Variants in COX6B2 observed in about 807,000 individuals in gnomAD.
The protein encoded by COX6B2 is COX VIb-2.
In COX6B2, 12 loss-of-function variants were observed where a neutral mutation model predicts 13.7. The ratio of observed to expected loss-of-function variants is 0.87; its 90% CI spans 0.56 to 1.41. The LOEUF (loss-of-function observed/expected upper bound fraction) is 1.41. COX6B2 is among the 40% of genes most tolerant of loss of function. The pLI, the probability that COX6B2 is intolerant of heterozygous loss-of-function variation, is 0.00. For missense variants in COX6B2, 130 were observed against 118.3 expected (o/e 1.10, Z -0.46); for synonymous variants, 56 against 46.6 (o/e 1.20, Z -0.82).
chr19:55,354,299 C>T, intron 2 of COX6B2, 111 bp downstream of exon 2: 3 of 1,022,644 alleles, frequency 2.9e-6, no homozygotes, highest in Non-Finnish European at 4.6e-6. Flanking sequence ...AACCCGGCCC[C>T]GCCCGGCCTC....
rs747515071 is a variant in COX6B2 at position 55,353,733 on chromosome 19, G to A, written c.255C>T (p.Ala85=). The A allele has an allele frequency of 3.7e-6, 6 of 1,609,690 alleles. No individual in the cohort carries two copies. The highest frequency in any genetic ancestry group is 1.3e-5 in the African/African-American group (1 of 74,820). Residue 85 remains alanine, a synonymous_variant, in exon 4 of 5, where the codon GCC becomes GCT. Coordinates refer to ENST00000326529, the MANE Select transcript of COX6B2 (RefSeq NM_144613.5). ...WNEQIKNGIF[A]GKI ...CGCGCTGGGGCAGTCAGATTTTGCC[G>A]GCGAAAATCCCGTTCTTGATCTGCT... is the stretch of plus-strand genomic sequence containing the variant.
At position 55,354,405 on chromosome 19, in the gene COX6B2, C is replaced by G. The variant is rs777316035; in HGVS notation, c.112+5G>C. ...CCTCCCATAACCTGGCTGAGCAGGT[C>G]TCACCCAGGAAGTTCTGGTAGCAGT... On this transcript the variant is annotated splice_donor_5th_base_variant and intron_variant, in intron 2 of 4. Transcript: ENST00000326529. 4 of 1,608,730 alleles carry G rather than the reference C, an allele frequency of 2.5e-6. No individual in the cohort carries two copies. Among genetic ancestry groups the G allele is most frequent in the South Asian group, 1.1e-5 (1 of 90,932 alleles).
chr19:55,354,451 G>C lies in COX6B2; in HGVS notation c.71C>G (p.Pro24Arg), dbSNP rs768448280. 1.7e-5 allele frequency: 28 copies of C among 1,613,886 alleles called. No individual in the cohort carries two copies. The highest frequency in any genetic ancestry group is 2.2e-5 in the Non-Finnish European group (26 of 1,179,958). ...WSTPPFDPRF[P>R]SQNQIRNCYQ... The stretch of plus-strand genomic sequence containing the variant: ...GCAGTTACGGATCTGGTTCTGGCTG[G>C]GGAAGCGCGGGTCGAAGGGCGGCGT... The change falls in exon 2 of 5, where the codon CCC becomes CGC. Residue 24 changes from proline to arginine, a missense_variant. Pro to Arg is a moderately radical substitution (Grantham distance 103). Transcript: ENST00000326529.
At chr19:55,354,305 G>T (rs2089693220) in intron 2 of COX6B2, 105 bp downstream of exon 2, 1 of 893,206 alleles carries the variant, frequency 1.1e-6, no homozygotes, top group Non-Finnish European at 1.7e-6. Flanking sequence ...GCCCCGCCCG[G>T]CCTCCCACCC....
Position 55,353,626 on chromosome 19 carries a change from A to T in COX6B2, c.*95T>A. On this transcript the variant is annotated 3_prime_UTR_variant, in exon 4 of 5. Transcript: ENST00000326529. ...GCATACCATTATTCGTGGCTTAGAC[A>T]CTGGGAGGTAGGGGTGGATAACCGA... 8.7e-7 allele frequency: 1 copy of T among 1,155,788 alleles called. No individual in the cohort carries two copies. 71.6% of individuals were successfully genotyped at this position (1,155,788 alleles called of 1,614,324 possible). A position where few individuals can be genotyped will look rare whatever the true frequency, so the allele number is the denominator to read the frequency against.
intron 4 of COX6B2, among the ~76,000 whole-genome samples, chr19:55,351,483 G>A (rs1463401919): frequency 6.6e-6 from 1 of 152,194 alleles, no homozygotes; most frequent in African/African-American, 2.4e-5. Flanking sequence ...AGGATCCGTG[G>A]TCTGGAGGCC....
rs199757828 is a variant in COX6B2, at chr19:55,353,961, G to T, written c.118C>A (p.His40Asn). ...CGGGTCCTGGTCTTGAGGCAGCGGT[G>T]GTAGTCTGTGGCGGGCGGGGGTCAC... ...RNCYQNFLDY[H>N]RCLKTRTRRG... is the part of the protein sequence containing the mutation. Residue 40 changes from histidine to asparagine, a missense_variant, in exon 3 of 5, where the codon CAC becomes AAC. His to Asn is a moderately conservative substitution (Grantham distance 68). Coordinates refer to ENST00000326529, the MANE Select transcript of COX6B2 (RefSeq NM_144613.5). 1 of 1,547,446 alleles carries T rather than the reference G, an allele frequency of 6.5e-7. No individual in the cohort carries two copies.
chr19:55,354,059 T>A (rs2089690017), intron 2 of COX6B2, 93 bp from the exon 3 acceptor site: 15 of 1,146,432 alleles, frequency 1.3e-5, no homozygotes, highest in Admixed American at 2.0e-5. Context: ...CTTCGCTGCT[T>A]CGTCCCGCCT....
chr19:55,351,255 ATAT>A (rs1331127475), intron 4 of COX6B2, among the ~76,000 whole-genome samples: 1 of 152,168 alleles, frequency 6.6e-6, no homozygotes, highest in African/African-American at 2.4e-5. Context: ...CATTGTTACC[ATAT>A]TTCAGATGAA....
chr19:55,351,093 C>T (rs569219764), intron 4 of COX6B2, among the ~76,000 whole-genome samples: 8 of 152,298 alleles, frequency 5.3e-5, no homozygotes, highest in African/African-American at 9.6e-5. Context: ...AGAACTGGGC[C>T]GACATGCTGA....
chr19:55,351,435 G>C (rs999479021), intron 4 of COX6B2, among the ~76,000 whole-genome samples: 21 of 152,288 alleles, frequency 1.4e-4, no homozygotes, highest in African/African-American at 5.1e-4. Context: ...CTAGGAGCCA[G>C]GGGACAGTGA....
chr19:55,353,600 A>G lies in COX6B2; in HGVS notation c.*114+7T>C, dbSNP rs1661858561. Reference sequence around the variant, plus strand: ...GGCATTAAGAAGAAACATCAGCAACAGCATACCATTATTCGTGGCTTAGAC... The same window carrying G: ...GGCATTAAGAAGAAACATCAGCAACGGCATACCATTATTCGTGGCTTAGAC... On this transcript the variant is annotated splice_region_variant and intron_variant, in intron 4 of 4. Transcript: ENST00000326529. The G allele has an allele frequency of 3.3e-6, 3 of 898,054 alleles. No individual in the cohort carries two copies. Among genetic ancestry groups the G allele is most frequent in the Non-Finnish European group, 5.1e-6 (3 of 584,938 alleles). The allele number at this position is 898,054 out of a possible 1,614,324, so 55.6% of individuals were successfully genotyped here. A position where few individuals can be genotyped will look rare whatever the true frequency, so the allele number is the denominator to read the frequency against.
chr19:55,353,649 C>T lies in COX6B2; in HGVS notation c.*72G>A. On this transcript the variant is annotated 3_prime_UTR_variant, in exon 4 of 5. Transcript: ENST00000326529. ...ACACTGGGAGGTAGGGGTGGATAAC[C>T]GAGACCCGGGGCTCCGCGAGACAAA... is the stretch of plus-strand genomic sequence containing the variant. 6.8e-6 allele frequency: 10 copies of T among 1,468,768 alleles called. No individual in the cohort carries two copies. The South Asian group carries it at 7.2e-5, about 11-fold the overall frequency. 91.0% of individuals were successfully genotyped at this position (1,468,768 alleles called of 1,614,324 possible).
intron 4 of COX6B2, 102 bp downstream of exon 4, chr19:55,353,504 GA>G: frequency 1.7e-6 from 1 of 603,656 alleles, no homozygotes; most frequent in Non-Finnish European, 2.9e-6. Flanking sequence ...CCCCTTATCG[GA>G]AAAAGCAGCG....
Position 55,354,515 on chromosome 19 carries a change from C to T in COX6B2, c.7G>A (p.Asp3Asn). ...TTGGGGGGCTCCTGGGCTTCCACAT[C>T]CAACATCCACGAAGGAGGCAACTCC... MLDVEAQEPPKGK... is the reference protein window; with the variant it reads MLNVEAQEPPKGK... The change falls in exon 2 of 5, where the codon GAT becomes AAT. Residue 3 changes from aspartate (D) to asparagine (N), a missense_variant. Transcript: ENST00000326529. 6.2e-7 allele frequency: 1 copy of T among 1,609,886 alleles called. No homozygotes were observed. The highest frequency in any genetic ancestry group is 8.5e-7 in the Non-Finnish European group (1 of 1,177,202).
At position 55,353,643 on chromosome 19, in the gene COX6B2, G is replaced by A; in HGVS notation, c.*78C>T. Reference sequence around the variant, plus strand: ...GCTTAGACACTGGGAGGTAGGGGTGGATAACCGAGACCCGGGGCTCCGCGA... The same window carrying A: ...GCTTAGACACTGGGAGGTAGGGGTGAATAACCGAGACCCGGGGCTCCGCGA... On this transcript the variant is annotated 3_prime_UTR_variant, in exon 4 of 5. Transcript: ENST00000326529. The A allele has an allele frequency of 7.2e-7, 1 of 1,393,998 alleles. No homozygotes were observed. Among genetic ancestry groups the A allele is most frequent in the South Asian group, 1.2e-5 (1 of 80,924 alleles). 86.4% of individuals were successfully genotyped at this position (1,393,998 alleles called of 1,614,324 possible).
At chr19:55,354,344 A>G in intron 2 of COX6B2, 66 bp downstream of exon 2, 1 of 1,093,190 alleles carries the variant, frequency 9.1e-7, no homozygotes, top group Non-Finnish European at 1.3e-6. Context: ...TTAGGGTGGG[A>G]GTGCCCCTCC....
In COX6B2 at chr19:55,353,937, G is replaced by A. The variant is rs746336473; in HGVS notation, c.142C>T (p.Arg48Cys). The A allele has an allele frequency of 9.6e-6, 15 of 1,559,012 alleles. No homozygotes were observed. In the East Asian group the frequency reaches 1.9e-4, roughly 20 times the overall value. Reference protein sequence around the residue: ...DYHRCLKTRTRRGKSTQPCEY... With the variant: ...DYHRCLKTRTCRGKSTQPCEY... ...CAGGGCTGCGTGCTCTTCCCGCGGC[G>A]GGTCCTGGTCTTGAGGCAGCGGTGG... Residue 48 changes from arginine to cysteine, a missense_variant, in exon 3 of 5, where the codon CGC (arginine) becomes TGC (cysteine). By Grantham distance (180) the Arg-to-Cys change is radical. Transcript: ENST00000326529.
chr19:55,353,347 G>A (rs1001809020), intron 4 of COX6B2: 3 of 372,804 alleles, frequency 8.0e-6, no homozygotes, highest in Non-Finnish European at 1.5e-5. Flanking sequence ...GTTGAGAACT[G>A]GGGACCCTGG....
Sources: gnomAD v4.1 joint callset for allele counts (sites outside exome capture counted in the v4.1 genomes callset) on GRCh38, gnomAD v4.1.1 for gene constraint, MANE v1.5 for transcripts, NCBI Gene and HGNC (gene_info 2026-07-23, HGNC 2026-07-21) for gene names.